The following ZNF710 variants were observed in gnomAD, a reference collection of about 807,000 sequenced individuals.
The protein encoded by ZNF710 is zinc finger protein 710.
In ZNF710, 13 loss-of-function variants were observed where a neutral mutation model predicts 50.6. The observed-to-expected ratio is 0.26, with a 90% CI of 0.17 to 0.41. The LOEUF (loss-of-function observed/expected upper bound fraction) is 0.41, where lower values mean the gene tolerates loss of function less well. Among genes scored for constraint, ZNF710 ranks in the 10% least tolerant of loss-of-function variants. ZNF710 has a pLI of 1.00. For missense variants in ZNF710, 721 were observed against 936.6 expected (o/e 0.77, Z 3.01); for synonymous variants, 383 against 397.0 (o/e 0.96, Z 0.42).
At chr15:90,041,927 T>G (rs1899308356) in intron 1 of ZNF710, among the ~76,000 whole-genome samples, 1 of 149,290 alleles carries the variant, frequency 6.7e-6, no homozygotes, top group African/African-American at 2.5e-5. Flanking sequence ...AGATAGAGTT[T>G]CGCTCTGTTG....
At chr15:90,072,592 TA>T (rs1900426796) in intron 2 of ZNF710, among the ~76,000 whole-genome samples, 1 of 152,018 alleles carries the variant, frequency 6.6e-6, no homozygotes, top group Admixed American at 6.6e-5. Context: ...GCATGGAGGA[TA>T]AAAACACATA....
chr15:90,015,797 G>T (rs1030646470), intron 1 of ZNF710, among the ~76,000 whole-genome samples: 1 of 152,034 alleles, frequency 6.6e-6, no homozygotes, highest in Non-Finnish European at 1.5e-5. Flanking sequence ...TTTTTGTAGA[G>T]ACAAGGTCTC....
chr15:90,019,187 C>CTTTTTTTTTTTTTTTTTTTTTTTTTTTT (rs11285838), intron 1 of ZNF710, among the ~76,000 whole-genome samples: 2 of 89,390 alleles, frequency 2.2e-5, no homozygotes, highest in Non-Finnish European at 2.1e-5. Context: ...CTTTTTCTTT[C>CTTTTTTTTTTTTTTTTTTTTTTTTTTTT]TTTTTTTTTT....
intron 1 of ZNF710, among the ~76,000 whole-genome samples, chr15:90,044,968 C>A (rs971081654): frequency 1.3e-5 from 2 of 152,156 alleles, no homozygotes; most frequent in Non-Finnish European, 2.9e-5. Context: ...CTCCACATTA[C>A]AATCACTGCT....
At chr15:90,073,022 A>C in intron 2 of ZNF710, 49 bp from the exon 3 acceptor site, 1 of 1,579,860 alleles carries the variant, frequency 6.3e-7, no homozygotes, top group Non-Finnish European at 8.7e-7. Context: ...GGTCACTGCC[A>C]GAGGCTGTGC....
chr15:90,017,830 A>G (rs1898496657), intron 1 of ZNF710, among the ~76,000 whole-genome samples: 4 of 152,168 alleles, frequency 2.6e-5, no homozygotes, highest in African/African-American at 9.7e-5. Flanking sequence ...AATAGACTTT[A>G]AAGCTTTTGG....
rs7170959 is a variant in ZNF710 at position 90,059,211 on chromosome 15, G to A, written c.-28-7899G>A. Among the ~76,000 whole-genome samples, 16,973 of 152,248 alleles carry A rather than the reference G, an allele frequency of 0.11. 3,166 individuals carry two copies. The highest frequency in any genetic ancestry group is 0.38 in the African/African-American group (15,954 of 41,496). ...TCGAGGGAAGGGCAGTCCTGGCAGG[G>A]GAATCAGCCTGTGCAGAGGCCCCAA... On this transcript the variant is annotated intron_variant, in intron 1 of 4. Transcript: ENST00000268154. This position sits in a 1 kb window ranked among gnomAD's most constrained non-coding sequence, Gnocchi z 4.1.
intron 2 of ZNF710, among the ~76,000 whole-genome samples, chr15:90,071,570 C>A (rs2151533695): frequency 6.6e-6 from 1 of 152,148 alleles, no homozygotes; most frequent in Admixed American, 6.5e-5. Context: ...AAGACAGCAG[C>A]TGTGACCACA....
chr15:90,013,449 A>G (rs1283707946), intron 1 of ZNF710, among the ~76,000 whole-genome samples: 1 of 152,216 alleles, frequency 6.6e-6, no homozygotes, highest in Non-Finnish European at 1.5e-5. Flanking sequence ...TTAGGATTCT[A>G]TCTGTGAGAA....
chr15:90,034,506 T>C lies in ZNF710; in HGVS notation c.-28-32604T>C, dbSNP rs565725798. Among the ~76,000 whole-genome samples, 1 of 150,416 alleles carries C rather than the reference T, an allele frequency of 6.6e-6. No homozygotes were observed. Among genetic ancestry groups the C allele is most frequent in the Non-Finnish European group, 1.5e-5 (1 of 67,736 alleles). ...GTGCCTGTGGTGGTGGTGGCCATGG[T>C]GTCGGCAGCAGCAGGGTTGTCAGGA... On this transcript the variant is annotated intron_variant, in intron 1 of 4. Transcript: ENST00000268154. The surrounding 1 kb of genome is among the most constrained non-coding windows in gnomAD (Gnocchi z 4.0).
chr15:90,072,451 G>C (rs1238312286), intron 2 of ZNF710, among the ~76,000 whole-genome samples: 2 of 152,186 alleles, frequency 1.3e-5, no homozygotes, highest in Non-Finnish European at 2.9e-5. Flanking sequence ...TTCAAGAGAT[G>C]AGTGGATAGG....
chr15:90,031,709 A>C (rs532146934), intron 1 of ZNF710, among the ~76,000 whole-genome samples: 1 of 152,184 alleles, frequency 6.6e-6, no homozygotes, highest in East Asian at 1.9e-4. Context: ...TGGCCACGTC[A>C]TCTCTCACTC....
At chr15:90,064,129 G>C (rs1900097043) in intron 1 of ZNF710, among the ~76,000 whole-genome samples, 1 of 152,222 alleles carries the variant, frequency 6.6e-6, no homozygotes, top group Non-Finnish European at 1.5e-5. Context: ...CCCCACAACA[G>C]ACAGGAGGGT....
At chr15:90,019,761 A>C (rs1596269032) in intron 1 of ZNF710, among the ~76,000 whole-genome samples, 1 of 152,114 alleles carries the variant, frequency 6.6e-6, no homozygotes, top group East Asian at 1.9e-4. Context: ...GCCTCCCATG[A>C]CCCCAGGAAG....
chr15:90,016,717 G>A lies in ZNF710; in HGVS notation c.-29+15103G>A, dbSNP rs1297836034. 2.0e-5 allele frequency among the ~76,000 whole-genome samples: 3 copies of A among 152,180 alleles called. No individual in the cohort carries two copies. In the East Asian group the frequency reaches 5.8e-4, roughly 29 times the overall value. The stretch of plus-strand genomic sequence containing the variant: ...ATTATAGGCGTGGGCCACTGTGCCT[G>A]GCCTCTTGTTTTTTTTAACCAACAT... On this transcript the variant is annotated intron_variant, in intron 1 of 4. Transcript: ENST00000268154.
intron 1 of ZNF710, among the ~76,000 whole-genome samples, chr15:90,052,598 C>T (rs1483113246): frequency 6.6e-6 from 1 of 152,176 alleles, no homozygotes; most frequent in Non-Finnish European, 1.5e-5. Context: ...CACAGCTTCT[C>T]TAAGACTCAG....
intron 4 of ZNF710, among the ~76,000 whole-genome samples, chr15:90,078,067 C>T (rs576446016): frequency 4.6e-5 from 7 of 151,884 alleles, no homozygotes; most frequent in South Asian, 2.1e-4. Flanking sequence ...AAAAATTAGC[C>T]GGGTATGGTG....
chr15:90,034,223 A>AAAAGT lies in ZNF710; in HGVS notation c.-29+32613_-29+32614insTAAAG, dbSNP rs1899039226. Among the ~76,000 whole-genome samples the AAAAGT allele has an allele frequency of 6.6e-6, 1 of 152,000 alleles. No homozygotes were observed. The highest frequency in any genetic ancestry group is 6.6e-5 in the Admixed American group (1 of 15,250). On this transcript the variant is annotated intron_variant, in intron 1 of 4. Coordinates refer to ENST00000268154, the MANE Select transcript of ZNF710 (RefSeq NM_198526.4). This position sits in a 1 kb window ranked among gnomAD's most constrained non-coding sequence, Gnocchi z 4.0. Reference sequence around the variant, plus strand: ...AAAAAAAAAGAAAAGAAAAGAAAAGAAAAGAAAACAGGTGAACGACAGTCA... The same window carrying AAAAGT: ...AAAAAAAAAGAAAAGAAAAGAAAAGAAAAGTAAAGAAAACAGGTGAACGACAGTCA...
chr15:90,078,799 C>G (rs1900652327), intron 4 of ZNF710, among the ~76,000 whole-genome samples: 1 of 152,200 alleles, frequency 6.6e-6, no homozygotes, highest in Non-Finnish European at 1.5e-5. Flanking sequence ...AGCCTGGGGT[C>G]TGTTTCCCCC....
Sources: allele counts gnomAD v4.1 joint callset (sites outside exome capture counted in the v4.1 genomes callset), GRCh38; gene constraint gnomAD v4.1.1; non-coding constraint Gnocchi (gnomAD v3.1); transcripts MANE v1.5; gene names NCBI Gene and HGNC (gene_info 2026-07-23, HGNC 2026-07-21).